Variants in SLF1 observed in about 807,000 individuals in gnomAD.
The protein encoded by SLF1 is SMC5-SMC6 complex localization factor protein 1.
In SLF1, 105 loss-of-function variants were observed where a neutral mutation model predicts 123.0. The observed-to-expected ratio is 0.85, with a 90% confidence interval of 0.73 to 1.00. The LOEUF is 1.00. Among genes scored for constraint, SLF1 ranks in the 50% least tolerant of loss-of-function variants. The probability of loss-of-function intolerance (pLI) is 0.00; values close to 1 mark genes in which losing one functional copy is unlikely to be tolerated. For missense variants in SLF1, 1,239 were observed against 1,223.0 expected (o/e 1.01, Z -0.20); for synonymous variants, 434 against 406.6 (o/e 1.07, Z -0.81).
At chr5:94,625,192 CAAA>C (rs754127514) in intron 1 of SLF1, among the ~76,000 whole-genome samples, 4 of 101,514 alleles carry the variant, frequency 3.9e-5, no homozygotes, top group Non-Finnish European at 2.0e-5. Flanking sequence ...GACTCCGTCT[CAAA>C]AAAAAAAAAA....
intron 9 of SLF1, 123 bp from the exon 10 acceptor site, chr5:94,662,175 T>C: frequency 1.5e-6 from 1 of 652,496 alleles, no homozygotes; most frequent in Non-Finnish European, 2.4e-6. Context: ...GAGTATCATA[T>C]TAATTATAGC....
intron 12 of SLF1, among the ~76,000 whole-genome samples, chr5:94,666,983 A>G (rs964188145): frequency 6.5e-5 from 8 of 123,174 alleles, no homozygotes; most frequent in African/African-American, 2.4e-4. Flanking sequence ...TTTTAATTTA[A>G]GTGTCCAGTT....
At chr5:94,637,718 T>C (rs1024469982) in intron 4 of SLF1, among the ~76,000 whole-genome samples, 7 of 152,054 alleles carry the variant, frequency 4.6e-5, no homozygotes, top group Admixed American at 4.6e-4. Context: ...TACACTGTGG[T>C]TAGCATCTCG....
rs1392251153 is a variant in SLF1 at position 94,628,916 on chromosome 5, A to T, written c.106A>T (p.Lys36Ter). The T allele has an allele frequency of 1.3e-6, 2 of 1,539,600 alleles. No individual in the cohort carries two copies. The highest frequency in any genetic ancestry group is 4.1e-5 in the Admixed American group (2 of 49,310). Residue 36 changes from lysine to a stop codon, truncating the protein, a stop_gained, in exon 2 of 21, where the codon AAG (lysine) becomes TAG (stop). Transcript: ENST00000265140. LOFTEE classifies it high-confidence loss of function. ...TTTAAAACTAGATTGCACTTTTATT[A>T]AGAGTGAGGTAAGAAACTTATCAAA... ...LLLKLDCTFI[K>*]SEKYKNCTHL...
chr5:94,630,968 T>C (rs1745133506), intron 4 of SLF1, among the ~76,000 whole-genome samples: 1 of 152,052 alleles, frequency 6.6e-6, no homozygotes, highest in Non-Finnish European at 1.5e-5. Flanking sequence ...TCTATTTTAC[T>C]TTCCATGTTA....
intron 9 of SLF1, among the ~76,000 whole-genome samples, chr5:94,660,700 A>G (rs1157786002): frequency 6.6e-6 from 1 of 152,176 alleles, no homozygotes; most frequent in African/African-American, 2.4e-5. Context: ...ACAACCCCCC[A>G]GTGGGCCACT....
intron 15 of SLF1, among the ~76,000 whole-genome samples, chr5:94,681,372 T>A (rs1229626894): frequency 2.0e-5 from 3 of 152,222 alleles, no homozygotes; most frequent in Non-Finnish European, 4.4e-5. Context: ...CCTCAGGTGA[T>A]CTGCCCACCT....
intron 1 of SLF1, among the ~76,000 whole-genome samples, chr5:94,628,173 T>C (rs981322643): frequency 6.7e-6 from 1 of 149,706 alleles, no homozygotes; most frequent in African/African-American, 2.5e-5. Context: ...TGAGATGGAG[T>C]CTTGCTCTGT....
intron 11 of SLF1, among the ~76,000 whole-genome samples, chr5:94,664,995 T>G (rs1166771764): frequency 6.6e-6 from 1 of 152,178 alleles, no homozygotes; most frequent in Non-Finnish European, 1.5e-5. Context: ...TTTCCCTTAC[T>G]ACTAGGGAAA....
chr5:94,640,701 A>G (rs1002353650), intron 4 of SLF1, among the ~76,000 whole-genome samples: 4 of 152,250 alleles, frequency 2.6e-5, no homozygotes, highest in Admixed American at 6.5e-5. Context: ...GGATAATTCT[A>G]TTGACCAATC....
intron 4 of SLF1, among the ~76,000 whole-genome samples, chr5:94,640,803 A>G (rs1301454332): frequency 6.6e-6 from 1 of 152,032 alleles, no homozygotes; most frequent in African/African-American, 2.4e-5. Flanking sequence ...TATTTCTACC[A>G]TTTCCATTGA....
At chr5:94,624,773 C>CT (rs1156572612) in intron 1 of SLF1, among the ~76,000 whole-genome samples, 1 of 151,816 alleles carries the variant, frequency 6.6e-6, no homozygotes, top group African/African-American at 2.4e-5. Context: ...AGATTTTAGA[C>CT]TTTTTAAAAC....
At chr5:94,643,131 C>T (rs950148385) in intron 4 of SLF1, 142 bp from the exon 5 acceptor site, 2 of 551,554 alleles carry the variant, frequency 3.6e-6, no homozygotes, top group Non-Finnish European at 6.2e-6. Context: ...CAGCCGTGTT[C>T]TCTGTGATCC....
chr5:94,620,076 C>G (rs781743055), intron 1 of SLF1: 7 of 152,208 alleles, frequency 4.6e-5, no homozygotes, highest in Non-Finnish European at 8.8e-5. Flanking sequence ...GACAGGGTTT[C>G]ACCATGCTGT....
At chr5:94,669,900 G>C (rs931341327) in intron 12 of SLF1, among the ~76,000 whole-genome samples, 1 of 151,844 alleles carries the variant, frequency 6.6e-6, no homozygotes, top group African/African-American at 2.4e-5. Context: ...GTACCTGCTA[G>C]TCATTAAATA....
intron 15 of SLF1, among the ~76,000 whole-genome samples, chr5:94,685,645 G>A (rs530381529): frequency 6.6e-6 from 1 of 152,102 alleles, no homozygotes; most frequent in African/African-American, 2.4e-5. Flanking sequence ...GAAGATATTT[G>A]AGGCTCTTGG....
intron 7 of SLF1, 133 bp downstream of exon 7, chr5:94,651,978 C>A: frequency 2.6e-6 from 1 of 383,394 alleles, no homozygotes; most frequent in Non-Finnish European, 4.3e-6. Context: ...TAGAGCATTA[C>A]CAGTTTTTAA....
chr5:94,628,293 C>A (rs1434251555), intron 1 of SLF1, among the ~76,000 whole-genome samples: 1 of 152,044 alleles, frequency 6.6e-6, no homozygotes, highest in Admixed American at 6.5e-5. Context: ...CACCTGCCAC[C>A]ACACCTGGCT....
intron 1 of SLF1, among the ~76,000 whole-genome samples, chr5:94,619,591 G>C (rs1170044799): frequency 1.3e-5 from 2 of 150,340 alleles, no homozygotes; most frequent in Non-Finnish European, 3.0e-5. Flanking sequence ...CTTTTTTGAC[G>C]AATGACTTTA....
Sources: allele counts gnomAD v4.1 joint callset (sites outside exome capture counted in the v4.1 genomes callset), GRCh38; gene constraint gnomAD v4.1.1; transcripts MANE v1.5; gene names NCBI Gene and HGNC (gene_info 2026-07-23, HGNC 2026-07-21).